The following CHRM3 variants were observed in gnomAD, a reference collection of about 807,000 sequenced individuals.
The protein encoded by CHRM3 is cholinergic receptor muscarinic 3.
A neutral mutation model predicts 41.8 loss-of-function variants in CHRM3; 11 were observed. That is an observed-to-expected ratio of 0.26 (90% CI 0.17 to 0.44). CHRM3 has a LOEUF of 0.44. CHRM3 is among the 20% of genes least tolerant of loss of function. The pLI, the probability that CHRM3 is intolerant of heterozygous loss-of-function variation, is 1.00. For missense variants in CHRM3, 571 were observed against 745.4 expected (o/e 0.77, Z 2.72); for synonymous variants, 297 against 301.4 (o/e 0.99, Z 0.15).
chr1:239,731,120 T>C (rs1191675499), intron 5 of CHRM3, among the ~76,000 whole-genome samples: 1 of 151,878 alleles, frequency 6.6e-6, no homozygotes, highest in African/African-American at 2.4e-5. Context: ...GGAAGAAGGG[T>C]GTTGATACAT....
intron 4 of CHRM3, among the ~76,000 whole-genome samples, chr1:239,660,583 A>G (rs1030103779): frequency 6.6e-6 from 1 of 152,136 alleles, no homozygotes; most frequent in African/African-American, 2.4e-5. Flanking sequence ...AATAGTAATG[A>G]TAATAATAGA....
chr1:239,700,065 AT>A lies in CHRM3; in HGVS notation c.-147+21785del, dbSNP rs964470225. Among the ~76,000 whole-genome samples, 311 of 152,118 alleles carry A rather than the reference AT, an allele frequency of 2.0e-3. 1 individual carries two copies. The highest frequency in any genetic ancestry group is 6.8e-3 in the Middle Eastern group (2 of 294). ...TCCTATGCCTTCAGATATTTAATTAATTTTTTTTCATGGAAGAAAGGTGATA... is the reference window on the plus strand; with the variant it reads ...TCCTATGCCTTCAGATATTTAATTAATTTTTTTCATGGAAGAAAGGTGATA... On this transcript the variant is annotated intron_variant, in intron 5 of 6. Coordinates refer to ENST00000676153, the MANE Select transcript of CHRM3 (RefSeq NM_001375978.1).
chr1:239,736,159 C>A (rs897549948), intron 5 of CHRM3, among the ~76,000 whole-genome samples: 5 of 152,004 alleles, frequency 3.3e-5, no homozygotes, highest in African/African-American at 1.2e-4. Flanking sequence ...CACCTTTAAT[C>A]TTCACAAAAG....
chr1:239,722,210 C>A (rs1209810663), intron 5 of CHRM3, among the ~76,000 whole-genome samples: 1 of 151,772 alleles, frequency 6.6e-6, no homozygotes, highest in Non-Finnish European at 1.5e-5. Context: ...CTGGAAAATG[C>A]TAAAGGGATT....
chr1:239,806,967 A>G (rs1670706330), intron 5 of CHRM3, among the ~76,000 whole-genome samples: 1 of 152,202 alleles, frequency 6.6e-6, no homozygotes, highest in African/African-American at 2.4e-5. Flanking sequence ...CACCCAAGCC[A>G]GAGAATATTC....
At chr1:239,529,609 C>CAA (rs74990447) in intron 2 of CHRM3, among the ~76,000 whole-genome samples, 37 of 110,806 alleles carry the variant, frequency 3.3e-4, no homozygotes, top group African/African-American at 6.0e-4. Flanking sequence ...GACTCCGTCT[C>CAA]AAAAAAAAAA....
At chr1:239,442,879 A>G (rs977445846) in intron 1 of CHRM3, among the ~76,000 whole-genome samples, 1 of 152,198 alleles carries the variant, frequency 6.6e-6, no homozygotes. Flanking sequence ...CAGTGGATAC[A>G]TTAGTTGTTC....
chr1:239,676,100 T>A (rs1044254733), intron 4 of CHRM3, among the ~76,000 whole-genome samples: 1 of 152,224 alleles, frequency 6.6e-6, no homozygotes, highest in African/African-American at 2.4e-5. Context: ...AGCTTCTTTT[T>A]CTACCTGAAT....
intron 5 of CHRM3, among the ~76,000 whole-genome samples, chr1:239,728,147 T>C (rs1263579099): frequency 6.6e-6 from 1 of 151,954 alleles, no homozygotes; most frequent in Non-Finnish European, 1.5e-5. Flanking sequence ...CAACTACCTT[T>C]TTGCCCATTG....
rs950533943 is a variant in CHRM3 at position 239,719,780 on chromosome 1, C to G, written c.-147+41492C>G. 2.0e-5 allele frequency: 3 copies of G among 152,020 alleles called. No individual in the cohort carries two copies. In the East Asian group the frequency reaches 5.8e-4, roughly 30 times the overall value. The allele number at this position is 152,020 out of a possible 1,614,324, so 9.4% of individuals were successfully genotyped here. ...GTAGAGCCGCAACTCAGCGTAGCAACAAGAGATCTTTTGAACAACTGAACA... is the reference window on the plus strand; with the variant it reads ...GTAGAGCCGCAACTCAGCGTAGCAAGAAGAGATCTTTTGAACAACTGAACA... On this transcript the variant is annotated intron_variant, in intron 5 of 6. Transcript: ENST00000676153.
chr1:239,850,193 A>G (rs1674587484), intron 6 of CHRM3, among the ~76,000 whole-genome samples: 2 of 152,202 alleles, frequency 1.3e-5, no homozygotes, highest in Non-Finnish European at 2.9e-5. Flanking sequence ...TATATACTGT[A>G]TTCTTACAAC....
At chr1:239,467,684 T>TC (rs1234357353) in intron 1 of CHRM3, among the ~76,000 whole-genome samples, 1 of 152,210 alleles carries the variant, frequency 6.6e-6, no homozygotes, top group Non-Finnish European at 1.5e-5. Context: ...TTCTATAAGC[T>TC]TACCTATTGG....
chr1:239,618,719 C>G (rs1198539332), intron 3 of CHRM3, among the ~76,000 whole-genome samples: 3 of 150,128 alleles, frequency 2.0e-5, no homozygotes, highest in Non-Finnish European at 4.4e-5. Flanking sequence ...TGGCAGCCAC[C>G]TGTAGTCCCA....
At chr1:239,674,221 A>G (rs954082792) in intron 4 of CHRM3, among the ~76,000 whole-genome samples, 5 of 152,232 alleles carry the variant, frequency 3.3e-5, no homozygotes, top group South Asian at 2.1e-4. Flanking sequence ...AGGTCCACAG[A>G]TATGAATATA....
chr1:239,853,873 T>C, intron 6 of CHRM3, among the ~76,000 whole-genome samples: 1 of 152,148 alleles, frequency 6.6e-6, no homozygotes, highest in East Asian at 1.9e-4. Context: ...TTTCTATCCT[T>C]TTCGTAGTAT....
intron 5 of CHRM3, among the ~76,000 whole-genome samples, chr1:239,764,697 G>A (rs1478751220): frequency 6.6e-6 from 1 of 152,150 alleles, no homozygotes. Flanking sequence ...TCCAACTATG[G>A]GAAAATGAGC....
At chr1:239,894,269 C>T (rs1447560258) in intron 6 of CHRM3, among the ~76,000 whole-genome samples, 2 of 152,158 alleles carry the variant, frequency 1.3e-5, no homozygotes, top group East Asian at 1.9e-4. Flanking sequence ...AAAATAAAAA[C>T]GTATATATTC....
chr1:239,387,196 C>A lies in CHRM3; in HGVS notation c.-552C>A, dbSNP rs1658581136. The A allele has an allele frequency of 1.3e-5, 2 of 152,116 alleles. No homozygotes were observed. Among genetic ancestry groups the A allele is most frequent in the African/African-American group, 4.8e-5 (2 of 41,412 alleles). The allele number at this position is 152,116 out of a possible 1,614,324, so 9.4% of individuals were successfully genotyped here. On this transcript the variant is annotated 5_prime_UTR_variant, in exon 1 of 7. Transcript: ENST00000676153. The surrounding 1 kb of genome is among the most constrained non-coding windows in gnomAD (Gnocchi z 5.1). ...CGCACCGGGCAGGCGCGGAGACCGGCGTGGGACAGCCACCTGGAGCGCAGC... is the reference window on the plus strand; with the variant it reads ...CGCACCGGGCAGGCGCGGAGACCGGAGTGGGACAGCCACCTGGAGCGCAGC...
At chr1:239,618,473 T>C (rs1220679750) in intron 3 of CHRM3, among the ~76,000 whole-genome samples, 2 of 147,762 alleles carry the variant, frequency 1.4e-5, no homozygotes, top group African/African-American at 4.9e-5. Context: ...ATGTAGTATA[T>C]GCCCATTTAA....
Sources: gnomAD v4.1 joint callset for allele counts (sites outside exome capture counted in the v4.1 genomes callset) on GRCh38, gnomAD v4.1.1 for gene constraint, Gnocchi (gnomAD v3.1) non-coding constraint, MANE v1.5 for transcripts, NCBI Gene and HGNC (gene_info 2026-07-23, HGNC 2026-07-21) for gene names.